The following MERTK variants were observed in gnomAD, a reference collection of about 807,000 sequenced individuals.
The protein encoded by MERTK is tyrosine-protein kinase Mer.
In MERTK, 69 loss-of-function variants were observed where a neutral mutation model predicts 99.3. That is an observed-to-expected ratio of 0.70 (90% CI 0.57 to 0.85). The LOEUF (loss-of-function observed/expected upper bound fraction) is 0.85. Among genes scored for constraint, MERTK ranks in the 40% least tolerant of loss-of-function variants. MERTK has a pLI of 0.00. For synonymous variants in MERTK, 426 were observed against 467.6 expected (o/e 0.91, Z 1.15); for missense variants, 1,125 against 1,249.4 (o/e 0.90, Z 1.50).
intron 2 of MERTK, chr2:111,941,115 TTGCA>T (rs746127761): frequency 3.6e-4 from 130 of 363,450 alleles, no homozygotes; most frequent in Non-Finnish European, 5.6e-4. Flanking sequence ...TTCCTGGGAC[TTGCA>T]TGCCTGAAAA....
At chr2:111,924,004 G>T (rs1164604931) in intron 1 of MERTK, among the ~76,000 whole-genome samples, 6 of 152,010 alleles carry the variant, frequency 3.9e-5, no homozygotes, top group Non-Finnish European at 5.9e-5. Flanking sequence ...GGCTGGTGAG[G>T]TTATGCATTG....
intron 6 of MERTK, among the ~76,000 whole-genome samples, chr2:111,970,027 T>G (rs56272510): frequency 0.24 from 36,672 of 151,816 alleles, 4,741 homozygotes; most frequent in South Asian, 0.32. Flanking sequence ...TTGTTTTTTG[T>G]TTTTTTTCCT....
In MERTK at chr2:111,986,838, C is replaced by T. The variant is rs183451920; in HGVS notation, c.1296+3845C>T. On this transcript the variant is annotated intron_variant, in intron 8 of 18. Coordinates refer to ENST00000295408, the MANE Select transcript of MERTK (RefSeq NM_006343.3). Reference sequence around the variant, plus strand: ...CATGACAGTCTTGTGACCACAAAGACACAGTGGCTCACTTTACTTTGGAAA... The same window carrying T: ...CATGACAGTCTTGTGACCACAAAGATACAGTGGCTCACTTTACTTTGGAAA... 2.7e-4 allele frequency among the ~76,000 whole-genome samples: 41 copies of T among 152,286 alleles called. No homozygotes were observed. In the East Asian group the frequency reaches 7.5e-3, roughly 28 times the overall value.
rs1573612818 is a variant in MERTK, at chr2:111,974,708, G to A, written c.961-581G>A. 7.4e-5 allele frequency among the ~76,000 whole-genome samples: 10 copies of A among 135,226 alleles called. No individual in the cohort carries two copies. The South Asian group carries it at 2.4e-3, about 32-fold the overall frequency. 88.7% of individuals were successfully genotyped at this position (135,226 alleles called of 152,430 possible). On this transcript the variant is annotated intron_variant, in intron 6 of 18. Transcript: ENST00000295408. ...TGCTTGAATCCGGGAGGCGGAGGTT[G>A]CAGTGAGTTGAGATAACACCACTGC...
intron 1 of MERTK, among the ~76,000 whole-genome samples, chr2:111,905,473 C>CT: frequency 8.2e-6 from 1 of 121,582 alleles, no homozygotes; most frequent in Non-Finnish European, 1.6e-5. Flanking sequence ...GAGGCTCACT[C>CT]TGTCACCCAG....
Position 112,003,486 on chromosome 2 carries a change from C to G in MERTK, c.1786+299C>G, listed in dbSNP as rs1311779756. 1.2e-5 allele frequency: 4 copies of G among 332,242 alleles called. No individual in the cohort carries two copies. The East Asian group carries it at 2.8e-4, about 23-fold the overall frequency. 20.6% of individuals were successfully genotyped at this position (332,242 alleles called of 1,614,324 possible). A position where few individuals can be genotyped will look rare whatever the true frequency, so the allele number is the denominator to read the frequency against. On this transcript the variant is annotated intron_variant, in intron 12 of 18. Transcript: ENST00000295408. ...TTTCCTATGTACTTTAAGTTTATTC[C>G]TCTAGTTCTTAAGTTCATTGTTCTT... is the stretch of plus-strand genomic sequence containing the variant.
intron 15 of MERTK, among the ~76,000 whole-genome samples, chr2:112,014,377 C>G (rs1212846857): frequency 6.6e-6 from 1 of 151,718 alleles, no homozygotes; most frequent in Non-Finnish European, 1.5e-5. Flanking sequence ...GTTGGTCAGG[C>G]TGGTCTCAAA....
chr2:112,001,062 C>A, intron 10 of MERTK, 139 bp from the exon 11 acceptor site: 1 of 687,620 alleles, frequency 1.5e-6, no homozygotes, highest in Non-Finnish European at 2.6e-6. Context: ...AGGAAAGAAA[C>A]ACGTTTCTTC....
At chr2:111,902,219 A>G (rs150231222) in intron 1 of MERTK, among the ~76,000 whole-genome samples, 112 of 152,304 alleles carry the variant, frequency 7.4e-4, no homozygotes, top group African/African-American at 2.3e-3. Flanking sequence ...TTTTTGAAAT[A>G]ATTTCCAGAT....
At chr2:111,991,149 T>C (rs1350220357) in intron 8 of MERTK, among the ~76,000 whole-genome samples, 1 of 152,198 alleles carries the variant, frequency 6.6e-6, no homozygotes, top group Non-Finnish European at 1.5e-5. Context: ...ACCTGATGAT[T>C]TTCTGCCTCG....
intron 6 of MERTK, among the ~76,000 whole-genome samples, chr2:111,972,842 T>A (rs1676151555): frequency 6.6e-6 from 1 of 152,268 alleles, no homozygotes; most frequent in African/African-American, 2.4e-5. Context: ...CCACTGGGGT[T>A]AATCAGCACA....
At chr2:111,931,553 G>A (rs1684671399) in intron 2 of MERTK, among the ~76,000 whole-genome samples, 1 of 152,120 alleles carries the variant, frequency 6.6e-6, no homozygotes, top group Non-Finnish European at 1.5e-5. Flanking sequence ...GGGCGTGGTG[G>A]CGCACGCCTA....
chr2:111,959,706 T>A (rs950784650), intron 4 of MERTK, among the ~76,000 whole-genome samples: 1 of 152,092 alleles, frequency 6.6e-6, no homozygotes, highest in African/African-American at 2.4e-5. Flanking sequence ...CTTCTGGACT[T>A]GAACTCTCGA....
At chr2:111,925,690 T>C (rs1684552260) in intron 1 of MERTK, among the ~76,000 whole-genome samples, 1 of 151,948 alleles carries the variant, frequency 6.6e-6, no homozygotes, top group Non-Finnish European at 1.5e-5. Context: ...CTTTAGTGGG[T>C]GGCCTTGCCC....
chr2:111,908,938 A>G (rs1684190693), intron 1 of MERTK, among the ~76,000 whole-genome samples: 1 of 152,222 alleles, frequency 6.6e-6, no homozygotes. Flanking sequence ...AAAACAAGCA[A>G]TCCGATTAAA....
At chr2:112,027,323 C>T (rs1677485108) in intron 18 of MERTK, among the ~76,000 whole-genome samples, 1 of 150,914 alleles carries the variant, frequency 6.6e-6, no homozygotes, top group South Asian at 2.1e-4. Flanking sequence ...TATATATACA[C>T]ACACATATGG....
At chr2:111,919,686 T>TCC (rs1331825956) in intron 1 of MERTK, among the ~76,000 whole-genome samples, 1 of 151,718 alleles carries the variant, frequency 6.6e-6, no homozygotes, top group Non-Finnish European at 1.5e-5. Context: ...GATGAGAGGG[T>TCC]ACCTAAAGCC....
chr2:112,019,646 G>A, intron 16 of MERTK, 124 bp downstream of exon 16: 1 of 775,108 alleles, frequency 1.3e-6, no homozygotes, highest in Non-Finnish European at 2.3e-6. Context: ...GGGATGGTGT[G>A]GCTTGCTCCG....
intron 6 of MERTK, among the ~76,000 whole-genome samples, chr2:111,972,292 C>T (rs1227307835): frequency 6.6e-6 from 1 of 152,136 alleles, no homozygotes; most frequent in Non-Finnish European, 1.5e-5. Context: ...TGGGCCAGCC[C>T]TTTTTAAAAC....
Sources: gnomAD v4.1 joint callset for allele counts (sites outside exome capture counted in the v4.1 genomes callset) on GRCh38, gnomAD v4.1.1 for gene constraint, MANE v1.5 for transcripts, NCBI Gene and HGNC (gene_info 2026-07-23, HGNC 2026-07-21) for gene names.